Variants in SOAT1 observed in about 807,000 individuals in gnomAD.
The protein encoded by SOAT1 is acyl-coenzyme A:cholesterol acyltransferase 1.
Under a neutral mutation model 69.5 loss-of-function variants are expected in SOAT1, and 55 were observed. That is an observed-to-expected ratio of 0.79 (90% CI 0.64 to 0.99). The LOEUF (loss-of-function observed/expected upper bound fraction) is 0.99. Ranked by LOEUF, SOAT1 falls within the 50% of genes least tolerant of loss-of-function variation. The probability of loss-of-function intolerance (pLI) is 0.00; values close to 1 mark genes in which losing one functional copy is unlikely to be tolerated. For missense variants in SOAT1, 580 were observed against 669.3 expected (o/e 0.87, Z 1.47); for synonymous variants, 231 against 224.7 (o/e 1.03, Z -0.25).
rs1666957988 is a variant in SOAT1 at position 179,357,867 on chromosome 1, T to G, written c.*4226T>G. On this transcript the variant is annotated 3_prime_UTR_variant, in exon 16 of 16. Transcript: ENST00000367619. Reference sequence around the variant, plus strand: ...TGTGACCTGTGATCACACCACTTAATTCCTCAAAACATTTATGTCCCAGTT... The same window carrying G: ...TGTGACCTGTGATCACACCACTTAAGTCCTCAAAACATTTATGTCCCAGTT... The G allele has an allele frequency of 6.6e-6, 1 of 152,210 alleles. No individual in the cohort carries two copies. Among genetic ancestry groups the G allele is most frequent in the African/African-American group, 2.4e-5 (1 of 41,428 alleles). The allele number at this position is 152,210 out of a possible 1,614,324, so 9.4% of individuals were successfully genotyped here. A position where few individuals can be genotyped will look rare whatever the true frequency, so the allele number is the denominator to read the frequency against.
At chr1:179,328,922 G>A (rs534323317) in intron 3 of SOAT1, among the ~76,000 whole-genome samples, 58 of 151,686 alleles carry the variant, frequency 3.8e-4, no homozygotes, top group African/African-American at 1.3e-3. Context: ...GTGCGTGCCC[G>A]AGTAGTACTG....
At chr1:179,351,719 TAA>T (rs1257823664) in intron 15 of SOAT1, among the ~76,000 whole-genome samples, 5 of 89,646 alleles carry the variant, frequency 5.6e-5, no homozygotes, top group African/African-American at 2.2e-4. Flanking sequence ...CAGCCCCTTC[TAA>T]TTTTTTTTTT....
At chr1:179,332,528 TC>T (rs1340137123) in intron 3 of SOAT1, among the ~76,000 whole-genome samples, 1 of 152,192 alleles carries the variant, frequency 6.6e-6, no homozygotes, top group Non-Finnish European at 1.5e-5. Context: ...CTTTTTTAGT[TC>T]CTAGTTAACT....
At chr1:179,317,273 C>G (rs1426313965) in intron 2 of SOAT1, among the ~76,000 whole-genome samples, 1 of 152,164 alleles carries the variant, frequency 6.6e-6, no homozygotes, top group African/African-American at 2.4e-5. Context: ...GTGGCTCACG[C>G]CTATAATCCT....
chr1:179,300,168 T>A (rs971576410), intron 1 of SOAT1, among the ~76,000 whole-genome samples: 2 of 151,848 alleles, frequency 1.3e-5, no homozygotes, highest in African/African-American at 4.8e-5. Context: ...TCTGTTCATC[T>A]GGCCAGAAAA....
chr1:179,329,546 C>G (rs1665904570), intron 3 of SOAT1, among the ~76,000 whole-genome samples: 2 of 151,802 alleles, frequency 1.3e-5, no homozygotes, highest in Admixed American at 1.3e-4. Flanking sequence ...GGTGAAACCC[C>G]ATCTTTACTA....
At chr1:179,331,391 A>G (rs997755002) in intron 3 of SOAT1, among the ~76,000 whole-genome samples, 4 of 152,210 alleles carry the variant, frequency 2.6e-5, no homozygotes, top group African/African-American at 9.7e-5. Flanking sequence ...AACTGAGAAC[A>G]CTATATGCAA....
intron 3 of SOAT1, among the ~76,000 whole-genome samples, chr1:179,328,930 C>T (rs141662609): frequency 5.0e-4 from 75 of 151,436 alleles, no homozygotes; most frequent in African/African-American, 1.7e-3. Flanking sequence ...CCGAGTAGTA[C>T]TGCTACTCGG....
chr1:179,327,469 T>C (rs776880655), intron 3 of SOAT1, among the ~76,000 whole-genome samples: 10 of 152,178 alleles, frequency 6.6e-5, no homozygotes, highest in Non-Finnish European at 1.0e-4. Flanking sequence ...TCACTGCTTG[T>C]TATTGTATAG....
rs1664539717 is a variant in SOAT1, at chr1:179,293,951, C to G, written c.-9+15C>G. ...GCGGGCCTCAGGTAACGGTGGTGCT[C>G]CCGCGCCTCTCCTCGCTTCCCGCTT... On this transcript the variant is annotated intron_variant, in intron 1 of 15. Transcript: ENST00000367619. 1 of 152,364 alleles carries G rather than the reference C, an allele frequency of 6.6e-6. No individual in the cohort carries two copies. The highest frequency in any genetic ancestry group is 2.1e-4 in the South Asian group (1 of 4,838). 9.4% of individuals were successfully genotyped at this position (152,364 alleles called of 1,614,324 possible).
At chr1:179,294,066 G>GGCGAGGCTCGGCGACT (rs1664544129) in intron 1 of SOAT1, 130 bp downstream of exon 1, 1 of 152,336 alleles carries the variant, frequency 6.6e-6, no homozygotes, top group Non-Finnish European at 1.5e-5. Context: ...CTGCGGAGAA[G>GGCGAGGCTCGGCGACT]GCGAGGCTCG....
chr1:179,342,236 C>A, intron 8 of SOAT1, 44 bp downstream of exon 8: 1 of 1,226,626 alleles, frequency 8.2e-7, no homozygotes, highest in Non-Finnish European at 1.1e-6. Flanking sequence ...CCCCTCCCCT[C>A]CTCTCCCCCC....
intron 2 of SOAT1, among the ~76,000 whole-genome samples, chr1:179,322,849 C>T (rs1297932319): frequency 6.6e-6 from 1 of 152,102 alleles, no homozygotes; most frequent in Non-Finnish European, 1.5e-5. Context: ...CCTAGTTTTA[C>T]GTGGCAGTAT....
At chr1:179,319,026 CA>C (rs1437126228) in intron 2 of SOAT1, among the ~76,000 whole-genome samples, 1 of 152,106 alleles carries the variant, frequency 6.6e-6, no homozygotes, top group Non-Finnish European at 1.5e-5. Context: ...GACTGTTTTT[CA>C]AAGCACTACA....
chr1:179,325,390 G>T (rs549051872), intron 3 of SOAT1, among the ~76,000 whole-genome samples: 2 of 152,080 alleles, frequency 1.3e-5, no homozygotes, highest in African/African-American at 4.8e-5. Flanking sequence ...CTGACCTCGT[G>T]AGCTGCCCGC....
intron 9 of SOAT1, 102 bp downstream of exon 9, chr1:179,343,045 T>C: frequency 1.2e-6 from 1 of 861,252 alleles, no homozygotes; most frequent in Non-Finnish European, 1.9e-6. Flanking sequence ...ACATAGAAAA[T>C]ATAGAATGAG....
At chr1:179,334,265 G>A (rs914825590) in intron 3 of SOAT1, among the ~76,000 whole-genome samples, 5 of 152,072 alleles carry the variant, frequency 3.3e-5, no homozygotes, top group Admixed American at 6.6e-5. Context: ...ATTATGTTAC[G>A]TTTGTTTAGA....
intron 9 of SOAT1, among the ~76,000 whole-genome samples, chr1:179,343,320 G>A (rs1666406962): frequency 6.6e-6 from 1 of 152,046 alleles, no homozygotes; most frequent in Admixed American, 6.6e-5. Context: ...TGCCTCCTGG[G>A]TTCAAGTGAT....
rs1489947117 is a variant in SOAT1, at chr1:179,355,041, A to G, written c.*1400A>G. 6.6e-6 allele frequency: 1 copy of G among 152,232 alleles called. No individual in the cohort carries two copies. The highest frequency in any genetic ancestry group is 1.5e-5 in the Non-Finnish European group (1 of 68,040). 9.4% of individuals were successfully genotyped at this position (152,232 alleles called of 1,614,324 possible). A position where few individuals can be genotyped will look rare whatever the true frequency, so the allele number is the denominator to read the frequency against. ...TCTTAATAGTCACAACTTAATTTGA[A>G]CCACAAGTATCCAGCTTAATCACGT... On this transcript the variant is annotated 3_prime_UTR_variant, in exon 16 of 16. Coordinates refer to ENST00000367619, the MANE Select transcript of SOAT1 (RefSeq NM_003101.6).
Sources: allele counts gnomAD v4.1 joint callset (sites outside exome capture counted in the v4.1 genomes callset), GRCh38; gene constraint gnomAD v4.1.1; transcripts MANE v1.5; gene names NCBI Gene and HGNC (gene_info 2026-07-23, HGNC 2026-07-21).